The following USP18 variants were observed in gnomAD, a reference collection of about 807,000 sequenced individuals.
USP18 encodes ubiquitin specific peptidase 18.
In USP18, 11 loss-of-function variants were observed where a neutral mutation model predicts 48.7. That is an observed-to-expected ratio of 0.23 (90% CI 0.14 to 0.37). USP18 has a LOEUF of 0.37. Among genes scored for constraint, USP18 ranks in the 10% least tolerant of loss-of-function variants. The probability of loss-of-function intolerance (pLI) is 1.00; values close to 1 mark genes in which losing one functional copy is unlikely to be tolerated. For synonymous variants in USP18, 114 were observed against 163.2 expected (o/e 0.70, Z 2.30); for missense variants, 285 against 436.4 (o/e 0.65, Z 3.09).
In USP18 at chr22:18,157,783, GCCCAGAGAGCGT is replaced by G; in HGVS notation, c.126_137del (p.Glu43_Arg46del). 1 of 1,614,126 alleles carries G rather than the reference GCCCAGAGAGCGT, an allele frequency of 6.2e-7. No homozygotes were observed. The highest frequency in any genetic ancestry group is 8.5e-7 in the Non-Finnish European group (1 of 1,180,012). ...AAGACAGCAACATGAAGAGAGAGCAGCCCAGAGAGCGTCCCAGGGCCTGGGACTACCCTCATG... is the reference window on the plus strand; with the variant it reads ...AAGACAGCAACATGAAGAGAGAGCAGCCCAGGGCCTGGGACTACCCTCATG... On this transcript the variant is annotated inframe_deletion, in exon 2 of 11. Transcript: ENST00000215794.
chr22:18,160,090 A>G lies in USP18; in HGVS notation c.158-82A>G, dbSNP rs894986859. The G allele has an allele frequency of 6.0e-6, 8 of 1,330,916 alleles. No homozygotes were observed. The African/African-American group carries it at 1.0e-4, about 17-fold the overall frequency. The allele number at this position is 1,330,916 out of a possible 1,614,324, so 82.4% of individuals were successfully genotyped here. ...CGGCCTCCCAAAGTACTGGAATTACAGGCATGAGCCACCATGCCCAGCCTT... is the reference window on the plus strand; with the variant it reads ...CGGCCTCCCAAAGTACTGGAATTACGGGCATGAGCCACCATGCCCAGCCTT... On this transcript the variant is annotated intron_variant, in intron 2 of 10. Coordinates refer to ENST00000215794, the MANE Select transcript of USP18 (RefSeq NM_017414.4).
At chr22:18,155,390 C>T (rs550671864) in intron 1 of USP18, among the ~76,000 whole-genome samples, 137 of 152,348 alleles carry the variant, frequency 9.0e-4, no homozygotes, top group African/African-American at 3.2e-3. Flanking sequence ...CGCTCGCTCT[C>T]GGTGCCTCCT....
chr22:18,156,833 T>G (rs1602520509), intron 1 of USP18, among the ~76,000 whole-genome samples: 1 of 152,218 alleles, frequency 6.6e-6, no homozygotes, highest in Non-Finnish European at 1.5e-5. Context: ...GCTTCATTCT[T>G]GAAGTCAGTG....
Position 18,167,945 on chromosome 22 carries a change from T to C in USP18, c.536T>C (p.Val179Ala), listed in dbSNP as rs1929524066. ...TIRVKDSLIC[V>A]DCAMESSRNS... is the part of the protein sequence containing the mutation. Reference sequence around the variant, plus strand: ...CGGGTGAAGGACTCCTTGATTTGCGTTGACTGTGCCATGGAGAGTAGCAGA... The same window carrying C: ...CGGGTGAAGGACTCCTTGATTTGCGCTGACTGTGCCATGGAGAGTAGCAGA... The change falls in exon 6 of 11, where the codon GTT becomes GCT. Residue 179 changes from valine (V) to alanine (A), a missense_variant. Coordinates refer to ENST00000215794, the MANE Select transcript of USP18 (RefSeq NM_017414.4). The C allele has an allele frequency of 1.2e-6, 2 of 1,614,088 alleles. No individual in the cohort carries two copies. The highest frequency in any genetic ancestry group is 2.2e-5 in the East Asian group (1 of 44,866).
chr22:18,162,463 G>A (rs992858777), intron 4 of USP18, among the ~76,000 whole-genome samples: 4 of 149,302 alleles, frequency 2.7e-5, no homozygotes, highest in African/African-American at 7.5e-5. Flanking sequence ...CTACACTTAC[G>A]GGTTTTCCCT....
At chr22:18,173,441 G>A (rs1299117115) in intron 9 of USP18, among the ~76,000 whole-genome samples, 160 bp downstream of exon 9, 3 of 152,128 alleles carry the variant, frequency 2.0e-5, no homozygotes, top group Non-Finnish European at 4.4e-5. Flanking sequence ...TCGGTCTGAA[G>A]TCCCCATGTG....
chr22:18,153,146 AG>A (rs1435756133), intron 1 of USP18, among the ~76,000 whole-genome samples: 1 of 152,190 alleles, frequency 6.6e-6, no homozygotes, highest in Non-Finnish European at 1.5e-5. Context: ...AATATATTCC[AG>A]GCTGGGCGCG....
chr22:18,173,920 T>C (rs1245829649), intron 10 of USP18, 78 bp downstream of exon 10: 4 of 1,496,644 alleles, frequency 2.7e-6, no homozygotes, highest in Non-Finnish European at 3.6e-6. Context: ...GCCCATGGAT[T>C]CCCCTGTTAC....
At chr22:18,163,864 A>G (rs1929399760) in intron 4 of USP18, among the ~76,000 whole-genome samples, 1 of 152,162 alleles carries the variant, frequency 6.6e-6, no homozygotes, top group Non-Finnish European at 1.5e-5. Context: ...CAGGGGAGAT[A>G]GAAACCAGCC....
At chr22:18,152,820 G>A (rs572451598) in intron 1 of USP18, among the ~76,000 whole-genome samples, 3 of 152,240 alleles carry the variant, frequency 2.0e-5, no homozygotes, top group South Asian at 2.1e-4. Flanking sequence ...CTTTGGGACC[G>A]AGCCTGCTCA....
chr22:18,157,059 T>C (rs1239194113), intron 1 of USP18, among the ~76,000 whole-genome samples: 1 of 152,212 alleles, frequency 6.6e-6, no homozygotes, highest in Non-Finnish European at 1.5e-5. Context: ...AGGATGTGCC[T>C]AAGGCCGACA....
chr22:18,159,913 G>A (rs1394864401), intron 2 of USP18, among the ~76,000 whole-genome samples: 2 of 151,784 alleles, frequency 1.3e-5, no homozygotes, highest in East Asian at 1.9e-4. Flanking sequence ...TCCTGACCTC[G>A]TGATCTGCCC....
At chr22:18,174,886 C>T (rs1042018776) in intron 10 of USP18, among the ~76,000 whole-genome samples, 2 of 152,080 alleles carry the variant, frequency 1.3e-5, no homozygotes, top group African/African-American at 2.4e-5. Flanking sequence ...ATGAACACTG[C>T]GCCTGGCCAT....
chr22:18,152,528 T>C (rs1013888701), intron 1 of USP18, among the ~76,000 whole-genome samples: 3 of 152,036 alleles, frequency 2.0e-5, no homozygotes, highest in African/African-American at 7.2e-5. Context: ...TTTTGTTTTG[T>C]TTTGTTTGAG....
intron 10 of USP18, among the ~76,000 whole-genome samples, chr22:18,175,812 A>C (rs1287016612): frequency 6.7e-6 from 1 of 149,674 alleles, no homozygotes; most frequent in Non-Finnish European, 1.5e-5. Context: ...CCATCTCTAC[A>C]AAAAAATAAA....
chr22:18,158,648 C>T (rs1929235116), intron 2 of USP18, among the ~76,000 whole-genome samples: 1 of 152,118 alleles, frequency 6.6e-6, no homozygotes, highest in Non-Finnish European at 1.5e-5. Context: ...TGCTAGGGGT[C>T]AGACAAATGT....
chr22:18,156,411 A>G (rs362009), intron 1 of USP18, among the ~76,000 whole-genome samples: 1 of 152,086 alleles, frequency 6.6e-6, no homozygotes, highest in East Asian at 1.9e-4. Flanking sequence ...CATTCTTTGC[A>G]GTAAGTCTTG....
intron 1 of USP18, among the ~76,000 whole-genome samples, chr22:18,156,150 T>G (rs1009437880): frequency 2.0e-5 from 3 of 152,198 alleles, no homozygotes; most frequent in Admixed American, 1.3e-4. Flanking sequence ...GTGTCCACAC[T>G]CTGTATCTAG....
intron 4 of USP18, among the ~76,000 whole-genome samples, chr22:18,166,135 C>T (rs1929472115): frequency 6.6e-6 from 1 of 152,172 alleles, no homozygotes; most frequent in Non-Finnish European, 1.5e-5. Flanking sequence ...AGCTTTCCTT[C>T]CGTCCTCAGT....
Sources: gnomAD v4.1 joint callset for allele counts (sites outside exome capture counted in the v4.1 genomes callset) on GRCh38, gnomAD v4.1.1 for gene constraint, MANE v1.5 for transcripts, NCBI Gene and HGNC (gene_info 2026-07-23, HGNC 2026-07-21) for gene names.